The following CALML4 variants were observed in gnomAD, a reference collection of about 807,000 sequenced individuals.
CALML4 encodes calmodulin like 4.
CALML4 carries 16 observed loss-of-function variants against 17.9 expected under a neutral mutation model. The ratio of observed to expected loss-of-function variants is 0.89; its 90% confidence interval spans 0.61 to 1.36. CALML4 has a LOEUF of 1.36. Ranked by LOEUF, CALML4 falls within the 40% of genes most tolerant of loss-of-function variation. The pLI is 0.00. For missense variants in CALML4, 203 were observed against 194.8 expected (o/e 1.04, Z -0.25); for synonymous variants, 86 against 71.5 (o/e 1.20, Z -1.02).
At position 68,191,650 on chromosome 15, in the gene CALML4, G is replaced by A. The variant is rs2093120831; in HGVS notation, c.*2365C>T. 1 of 152,572 alleles carries A rather than the reference G, an allele frequency of 6.6e-6. No individual in the cohort carries two copies. Among genetic ancestry groups the A allele is most frequent in the South Asian group, 2.1e-4 (1 of 4,832 alleles). The allele number at this position is 152,572 out of a possible 1,614,324, so 9.5% of individuals were successfully genotyped here. ...AATATAGCCATCATTTCCCTTTCTT[G>A]TTGAAATATGGCTAACTCTTTAATA... On this transcript the variant is annotated 3_prime_UTR_variant, in exon 5 of 5. Transcript: ENST00000467889.
chr15:68,205,499 G>A, upstream of CALML4: 1 of 1,230,164 alleles, frequency 8.1e-7, no homozygotes. This position sits in a 1 kb window ranked among gnomAD's most constrained non-coding sequence, Gnocchi z 4.8. Flanking sequence ...CCTGGGCTCA[G>A]AGTCTCTGCC....
chr15:68,193,820 A>G lies in CALML4; in HGVS notation c.*195T>C. 1 of 555,242 alleles carries G rather than the reference A, an allele frequency of 1.8e-6. No homozygotes were observed. 34.4% of individuals were successfully genotyped at this position (555,242 alleles called of 1,614,324 possible). On this transcript the variant is annotated 3_prime_UTR_variant, in exon 5 of 5. Transcript: ENST00000467889. ...ACGGTAGTTAATAAAATCAATACAA[A>G]TCTTTTATTAAAGATCTACTCATAC...
intron 4 of CALML4, among the ~76,000 whole-genome samples, 174 bp from the exon 5 acceptor site, chr15:68,194,286 T>TGAGA (rs2093133280): frequency 6.6e-6 from 1 of 151,932 alleles, no homozygotes. Context: ...CCTGCACTCC[T>TGAGA]GAGACCCTTA....
chr15:68,201,461 G>A (rs983760929), intron 2 of CALML4, among the ~76,000 whole-genome samples: 1 of 152,320 alleles, frequency 6.6e-6, no homozygotes, highest in Non-Finnish European at 1.5e-5. Flanking sequence ...TACCCCTGGG[G>A]ACCTCTCATG....
At chr15:68,198,676 CAG>C (rs1199859394) in intron 3 of CALML4, 2 of 152,106 alleles carry the variant, frequency 1.3e-5, no homozygotes, top group African/African-American at 4.8e-5. Flanking sequence ...ATCCCATTAC[CAG>C]AGAGAACCAC....
intron 4 of CALML4, among the ~76,000 whole-genome samples, chr15:68,195,378 G>A (rs2093139845): frequency 6.6e-6 from 1 of 152,236 alleles, no homozygotes; most frequent in Non-Finnish European, 1.5e-5. Flanking sequence ...TTGGGAGAAT[G>A]TTGAGGACAG....
chr15:68,203,096 T>G (rs1177792603), intron 2 of CALML4, among the ~76,000 whole-genome samples: 2 of 102,218 alleles, frequency 2.0e-5, no homozygotes, highest in Non-Finnish European at 4.4e-5. Context: ...ATTACAGGCA[T>G]GAGCCAACTG....
At chr15:68,198,121 G>C (rs576388242) in intron 3 of CALML4, 2 of 153,022 alleles carry the variant, frequency 1.3e-5, no homozygotes, top group African/African-American at 4.8e-5. Flanking sequence ...CCTCCTCCAC[G>C]GGCCCTGGCT....
intron 4 of CALML4, among the ~76,000 whole-genome samples, chr15:68,195,037 C>CCAT (rs1299648053): frequency 2.0e-5 from 3 of 150,524 alleles, no homozygotes; most frequent in South Asian, 2.1e-4. Flanking sequence ...CCATTGTTCT[C>CCAT]CATCACTCCA....
At chr15:68,203,667 A>G (rs1049327657) in intron 2 of CALML4, among the ~76,000 whole-genome samples, 1 of 152,170 alleles carries the variant, frequency 6.6e-6, no homozygotes, top group African/African-American at 2.4e-5. Flanking sequence ...TCCAGCATGT[A>G]ACTGACATTA....
In CALML4 at chr15:68,205,244, C is replaced by T. The variant is rs374163370; in HGVS notation, c.3+1G>A. 25 of 1,614,056 alleles carry T rather than the reference C, an allele frequency of 1.5e-5. No individual in the cohort carries two copies. In the African/African-American group the frequency reaches 3.2e-4, roughly 21 times the overall value. On this transcript the variant is annotated splice_donor_variant, in intron 1 of 4. Coordinates refer to ENST00000467889, the MANE Select transcript of CALML4 (RefSeq NM_033429.3). LOFTEE classifies it high-confidence loss of function. This position sits in a 1 kb window ranked among gnomAD's most constrained non-coding sequence, Gnocchi z 4.8. ...AGGCCGACACAGACCCTCACACTCA[C>T]CATTCTGGGGCCTCGGCTGCTACCC... is the stretch of plus-strand genomic sequence containing the variant.
intron 2 of CALML4, among the ~76,000 whole-genome samples, chr15:68,202,050 A>G (rs2093166953): frequency 6.6e-6 from 1 of 152,382 alleles, no homozygotes; most frequent in East Asian, 1.9e-4. Flanking sequence ...AAGAAGGGAC[A>G]CAAACATTTG....
At position 68,197,859 on chromosome 15, in the gene CALML4, T is replaced by C; in HGVS notation, c.176-231A>G. 2.0e-6 allele frequency: 1 copy of C among 510,168 alleles called. No homozygotes were observed. The highest frequency in any genetic ancestry group is 2.6e-5 in the South Asian group (1 of 38,942). 31.6% of individuals were successfully genotyped at this position (510,168 alleles called of 1,614,324 possible). A position where few individuals can be genotyped will look rare whatever the true frequency, so the allele number is the denominator to read the frequency against. ...TCAGCAACGTCCTCAGTGACGATGC[T>C]TATCATCACCCCAAAGCTCAAGAAA... On this transcript the variant is annotated intron_variant, in intron 3 of 4. Transcript: ENST00000467889. This position sits in a 1 kb window ranked among gnomAD's most constrained non-coding sequence, Gnocchi z 4.1.
rs1349637579 is a variant in CALML4 at position 68,200,118 on chromosome 15, G to GC, written c.35-438dup. On this transcript the variant is annotated intron_variant, in intron 2 of 4. Coordinates refer to ENST00000467889, the MANE Select transcript of CALML4 (RefSeq NM_033429.3). The surrounding 1 kb of genome is among the most constrained non-coding windows in gnomAD (Gnocchi z 4.3). ...CCACAGGGGAGAGCAGGAACCCACAGCAAGGCGTCCAGACCCCCAGGGGAC... is the reference window on the plus strand; with the variant it reads ...CCACAGGGGAGAGCAGGAACCCACAGCCAAGGCGTCCAGACCCCCAGGGGAC... Among the ~76,000 whole-genome samples the GC allele has an allele frequency of 2.6e-5, 4 of 152,196 alleles. No homozygotes were observed. The highest frequency in any genetic ancestry group is 5.9e-5 in the Non-Finnish European group (4 of 68,016).
In CALML4 at chr15:68,200,874, C is replaced by G. The variant is rs2093163443; in HGVS notation, c.35-1193G>C. The stretch of plus-strand genomic sequence containing the variant: ...CCCACAACCCTGTGATGCGCCCCCT[C>G]ATATTCCCATGTGCGGACAGGACAT... On this transcript the variant is annotated intron_variant, in intron 2 of 4. Coordinates refer to ENST00000467889, the MANE Select transcript of CALML4 (RefSeq NM_033429.3). The surrounding 1 kb of genome is among the most constrained non-coding windows in gnomAD (Gnocchi z 4.3). Among the ~76,000 whole-genome samples the G allele has an allele frequency of 6.6e-6, 1 of 152,196 alleles. No individual in the cohort carries two copies. The highest frequency in any genetic ancestry group is 2.4e-5 in the African/African-American group (1 of 41,460).
chr15:68,192,932 T>C lies in CALML4; in HGVS notation c.*1083A>G, dbSNP rs1293482896. On this transcript the variant is annotated 3_prime_UTR_variant, in exon 5 of 5. Transcript: ENST00000467889. ...CTACGAATGATCCAGATTTGACAAG[T>C]GTATGGCACCTCTGAATCTCTGGCA... is the stretch of plus-strand genomic sequence containing the variant. 6.6e-6 allele frequency: 1 copy of C among 152,222 alleles called. No homozygotes were observed. Among genetic ancestry groups the C allele is most frequent in the Non-Finnish European group, 1.5e-5 (1 of 68,076 alleles). 9.4% of individuals were successfully genotyped at this position (152,222 alleles called of 1,614,324 possible).
At position 68,204,955 on chromosome 15, in the gene CALML4, C is replaced by T. The variant is rs1229800231; in HGVS notation, c.34+166G>A. Among the ~76,000 whole-genome samples the T allele has an allele frequency of 6.6e-6, 1 of 152,128 alleles. No individual in the cohort carries two copies. Among genetic ancestry groups the T allele is most frequent in the Non-Finnish European group, 1.5e-5 (1 of 68,014 alleles). On this transcript the variant is annotated intron_variant, in intron 2 of 4. Transcript: ENST00000467889. This position sits in a 1 kb window ranked among gnomAD's most constrained non-coding sequence, Gnocchi z 6.0. ...CATGTCTATTTTGGAGGCTTACCCC[C>T]AACCCCCACCCCGCCAACAGCAGCC...
rs1469097763 is a variant in CALML4 at position 68,200,202 on chromosome 15, G to A, written c.35-521C>T. The stretch of plus-strand genomic sequence containing the variant: ...TAATAAGGCCTCAGGATTACTGTGA[G>A]AGCCAGAAATCCCAGGAGGCCTGCC... On this transcript the variant is annotated intron_variant, in intron 2 of 4. Transcript: ENST00000467889. This position sits in a 1 kb window ranked among gnomAD's most constrained non-coding sequence, Gnocchi z 4.3. 6.6e-6 allele frequency among the ~76,000 whole-genome samples: 1 copy of A among 152,192 alleles called. No individual in the cohort carries two copies. The highest frequency in any genetic ancestry group is 2.4e-5 in the African/African-American group (1 of 41,452).
At chr15:68,194,676 G>GA (rs1198417844) in intron 4 of CALML4, among the ~76,000 whole-genome samples, 1 of 152,140 alleles carries the variant, frequency 6.6e-6, no homozygotes, top group Admixed American at 6.6e-5. Flanking sequence ...GAGCCACTGT[G>GA]CCCGGCCCAC....
Sources: allele counts gnomAD v4.1 joint callset (sites outside exome capture counted in the v4.1 genomes callset), GRCh38; gene constraint gnomAD v4.1.1; non-coding constraint Gnocchi (gnomAD v3.1); transcripts MANE v1.5; gene names NCBI Gene and HGNC (gene_info 2026-07-23, HGNC 2026-07-21).